The following IGBP1 variants were observed in gnomAD, a reference collection of about 807,000 sequenced individuals.
IGBP1 encodes the protein immunoglobulin-binding protein 1.
IGBP1 carries 2 observed loss-of-function variants against 25.9 expected under a neutral mutation model. That is an observed-to-expected ratio of 0.08 (90% CI 0.03 to 0.24). IGBP1 has a LOEUF of 0.24. IGBP1 is among the 10% of genes least tolerant of loss of function. IGBP1 has a pLI of 1.00. For missense variants in IGBP1, 187 were observed against 260.4 expected (o/e 0.72, Z 1.94); for synonymous variants, 96 against 93.4 (o/e 1.03, Z -0.16).
intron 3 of IGBP1, among the ~76,000 whole-genome samples, chrX:70,139,497 C>A (rs745790085): frequency 3.1e-4 from 34 of 111,110 alleles, no homozygotes; most frequent in Non-Finnish European, 5.8e-4. Flanking sequence ...GCCCAGACCC[C>A]TCCTGACCTT....
At chrX:70,158,572 G>C (rs1342922466) in intron 6 of IGBP1, among the ~76,000 whole-genome samples, 3 of 111,412 alleles carry the variant, frequency 2.7e-5, no homozygotes, top group Non-Finnish European at 5.6e-5. Flanking sequence ...ACACTGAACT[G>C]TTGGCTCACA....
At chrX:70,141,325 C>T (rs1313923986) in intron 3 of IGBP1, among the ~76,000 whole-genome samples, 2 of 107,258 alleles carry the variant, frequency 1.9e-5, no homozygotes, top group East Asian at 2.9e-4. Context: ...CTAGCCTGGG[C>T]GACAGAGCAA....
rs1602673209 is a variant in IGBP1 at position 70,154,333 on chromosome X, A to G, written c.871+4011A>G. 4.7e-5 allele frequency among the ~76,000 whole-genome samples: 5 copies of G among 106,257 alleles called. No individual in the cohort carries two copies. The Middle Eastern group carries it at 0.015, about 319-fold the overall frequency. The allele number at this position is 106,257 out of a possible 115,157, so 92.3% of individuals were successfully genotyped here. On this transcript the variant is annotated intron_variant, in intron 6 of 6. Coordinates refer to ENST00000356413, the MANE Select transcript of IGBP1 (RefSeq NM_001551.3). Reference sequence around the variant, plus strand: ...GTGATCCGCCCGCCTCGGCCTCCCAAAGTGCTGGGATTACAGGTGTGAGCC... The same window carrying G: ...GTGATCCGCCCGCCTCGGCCTCCCAGAGTGCTGGGATTACAGGTGTGAGCC...
chrX:70,134,407 C>T (rs1490880597), intron 2 of IGBP1, 116 bp from the exon 3 acceptor site: 1 of 783,501 alleles, frequency 1.3e-6, no homozygotes, highest in South Asian at 2.3e-5. Context: ...CGCTGTTCCC[C>T]GTGCCTCCTC....
chrX:70,150,249 G>A lies in IGBP1; in HGVS notation c.798G>A (p.Thr266=), dbSNP rs376802640. 14 of 1,202,884 alleles carry A rather than the reference G, an allele frequency of 1.2e-5. No homozygotes were observed. The highest frequency in any genetic ancestry group is 2.2e-5 in the Admixed American group (1 of 45,611). Residue 266 remains threonine, a synonymous_variant, in exon 6 of 7, where the codon ACG becomes ACA. Coordinates refer to ENST00000356413, the MANE Select transcript of IGBP1 (RefSeq NM_001551.3). Reference sequence around the variant, plus strand: ...GTTATCCAAGTCTGCCAACTATGACGGTGAGTGACTGGTATGAGCAACATC... The same window carrying A: ...GTTATCCAAGTCTGCCAACTATGACAGTGAGTGACTGGTATGAGCAACATC... ...GAGYPSLPTM[T]VSDWYEQHRK... is the part of the protein sequence containing the mutation.
intron 3 of IGBP1, among the ~76,000 whole-genome samples, chrX:70,140,441 AAGAG>A (rs2147570307): frequency 8.9e-6 from 1 of 112,602 alleles, no homozygotes; most frequent in Non-Finnish European, 1.9e-5. Flanking sequence ...ACTGAAAAAG[AAGAG>A]AGGCAGAGGG....
chrX:70,157,263 A>AGGGTGG (rs975752274), intron 6 of IGBP1, among the ~76,000 whole-genome samples: 2 of 17,257 alleles, frequency 1.2e-4, no homozygotes, highest in Non-Finnish European at 2.0e-4. Flanking sequence ...TACCTTAACA[A>AGGGTGG]GGGTGGGGGT....
At chrX:70,154,065 T>A (rs1299645393) in intron 6 of IGBP1, among the ~76,000 whole-genome samples, 1 of 101,628 alleles carries the variant, frequency 9.8e-6, no homozygotes, top group Non-Finnish European at 2.0e-5. Flanking sequence ...ATTTTTTTTT[T>A]TTTTTTTTTT....
At chrX:70,146,926 T>G (rs1460737048) in intron 4 of IGBP1, 98 bp downstream of exon 4, 2 of 650,544 alleles carry the variant, frequency 3.1e-6, no homozygotes, top group Admixed American at 5.3e-5. Flanking sequence ...ACTGTTTTTA[T>G]CAAGATGAGT....
At chrX:70,152,503 CAAAAG>C (rs1313243108) in intron 6 of IGBP1, among the ~76,000 whole-genome samples, 1 of 111,633 alleles carries the variant, frequency 9.0e-6, no homozygotes, top group East Asian at 2.8e-4. Context: ...ACTCATAACT[CAAAAG>C]AAAAGGCAAT....
intron 6 of IGBP1, chrX:70,164,244 A>G (rs907406791): frequency 5.4e-5 from 6 of 111,685 alleles, no homozygotes; most frequent in Admixed American, 2.9e-4. Flanking sequence ...CTCAACAACA[A>G]CAACAAAAAA....
At chrX:70,136,837 G>C (rs1173919879) in intron 3 of IGBP1, among the ~76,000 whole-genome samples, 1 of 109,727 alleles carries the variant, frequency 9.1e-6, no homozygotes, top group African/African-American at 3.3e-5. Flanking sequence ...CTCTCAAGTA[G>C]CTGGGATTAC....
chrX:70,142,775 C>T (rs952098857), intron 3 of IGBP1, among the ~76,000 whole-genome samples: 2 of 110,329 alleles, frequency 1.8e-5, no homozygotes, highest in African/African-American at 6.6e-5. Flanking sequence ...GCTGTCATCA[C>T]ACCACTGCAC....
At chrX:70,137,354 G>A (rs1216589100) in intron 3 of IGBP1, among the ~76,000 whole-genome samples, 5 of 111,355 alleles carry the variant, frequency 4.5e-5, no homozygotes, top group Non-Finnish European at 9.4e-5. Context: ...AACATGTTGA[G>A]GTTAAGGTGC....
At chrX:70,160,036 C>G (rs1462427218) in intron 6 of IGBP1, among the ~76,000 whole-genome samples, 1 of 111,241 alleles carries the variant, frequency 9.0e-6, no homozygotes, top group Non-Finnish European at 1.9e-5. Context: ...ACAGATTAGC[C>G]AAGGCTGTGT....
At chrX:70,143,940 C>T (rs2085148866) in intron 3 of IGBP1, among the ~76,000 whole-genome samples, 1 of 112,436 alleles carries the variant, frequency 8.9e-6, no homozygotes, top group African/African-American at 3.2e-5. Context: ...GCCTGGAACG[C>T]ACTTTGAGAG....
At chrX:70,146,439 C>T (rs2085167070) in intron 3 of IGBP1, among the ~76,000 whole-genome samples, 194 bp from the exon 4 acceptor site, 1 of 110,528 alleles carries the variant, frequency 9.0e-6, no homozygotes, top group Admixed American at 9.7e-5. Flanking sequence ...TCAGCCCCTG[C>T]TGGGCCCTAA....
intron 3 of IGBP1, among the ~76,000 whole-genome samples, chrX:70,141,582 T>C (rs2085130455): frequency 9.0e-6 from 1 of 111,640 alleles, no homozygotes; most frequent in South Asian, 3.7e-4. Flanking sequence ...TGTCGTTGTA[T>C]ATAATTGCAT....
At chrX:70,163,477 G>A (rs1298893783) in intron 6 of IGBP1, among the ~76,000 whole-genome samples, 1 of 111,321 alleles carries the variant, frequency 9.0e-6, no homozygotes, top group Non-Finnish European at 1.9e-5. Context: ...TTTTCTACTA[G>A]GTAACCAAAT....
Sources: gnomAD v4.1 joint callset for allele counts (sites outside exome capture counted in the v4.1 genomes callset) on GRCh38, gnomAD v4.1.1 for gene constraint, MANE v1.5 for transcripts, NCBI Gene and HGNC (gene_info 2026-07-23, HGNC 2026-07-21) for gene names.